Variants in APC2 observed in about 807,000 individuals in gnomAD.
APC2 encodes the protein APC regulator of Wnt signaling pathway 2.
In APC2, 41 loss-of-function variants were observed where a neutral mutation model predicts 72.5. That is an observed-to-expected ratio of 0.57 (90% CI 0.44 to 0.73). The LOEUF is 0.73. APC2 is among the 30% of genes least tolerant of loss of function. The pLI, the probability that APC2 is intolerant of heterozygous loss-of-function variation, is 0.00. For synonymous variants in APC2, 1,898 were observed against 1,612.0 expected, an observed-to-expected ratio of 1.18 and a Z score of -4.25; for missense variants, 3,729 against 3,403.4, an observed-to-expected ratio of 1.10 and a Z score of -2.38.
At chr19:1,459,502 T>G (rs1031367756) in intron 10 of APC2, among the ~76,000 whole-genome samples, 3 of 152,224 alleles carry the variant, frequency 2.0e-5, no homozygotes, top group Admixed American at 6.5e-5. Context: ...CGTGCTGTGG[T>G]GAACCTGGAT....
rs1428717121 is a variant in APC2, at chr19:1,467,360, C to T, written c.4059C>T (p.Ala1353=). The part of the protein sequence containing the change: ...LRECLGAAVP[A]RLRKVASALV... The stretch of plus-strand genomic sequence containing the variant: ...AGTGCCTGGGAGCCGCCGTGCCTGC[C>T]CGGCTGCGCAAGGTGGCCTCCGCGC... The change falls in exon 15 of 15, where the codon GCC becomes GCT. Residue 1353 remains alanine (A), a synonymous_variant. Transcript: ENST00000590469. The T allele has an allele frequency of 3.4e-6, 5 of 1,470,356 alleles. No homozygotes were observed. Among genetic ancestry groups the T allele is most frequent in the Admixed American group, 2.3e-5 (1 of 43,432 alleles). 91.1% of individuals were successfully genotyped at this position (1,470,356 alleles called of 1,614,324 possible).
chr19:1,471,975 G>T lies in APC2; in HGVS notation c.*1762G>T, dbSNP rs1420521947. 6.6e-6 allele frequency: 1 copy of T among 152,380 alleles called. No homozygotes were observed. Among genetic ancestry groups the T allele is most frequent in the Non-Finnish European group, 1.5e-5 (1 of 68,142 alleles). The allele number at this position is 152,380 out of a possible 1,614,324, so 9.4% of individuals were successfully genotyped here. On this transcript the variant is annotated 3_prime_UTR_variant, in exon 15 of 15. Coordinates refer to ENST00000590469, the MANE Select transcript of APC2 (RefSeq NM_005883.3). ...GACAGGACGTCCATAAGTCACCGAG[G>T]TGTGCCACCCAGCAGGTGCTGGAGG...
In APC2 at chr19:1,469,212, G is replaced by A. The variant is rs1166582387; in HGVS notation, c.5911G>A (p.Gly1971Ser). ...CCCGGGGGCGCGCGGGGGCCGCCTGGGCCTGGTGCGTGTGGCCTCAGCCCT... is the reference window on the plus strand; with the variant it reads ...CCCGGGGGCGCGCGGGGGCCGCCTGAGCCTGGTGCGTGTGGCCTCAGCCCT... ...AGPGARGGRL[G>S]LVRVASALSS... Residue 1971 changes from glycine (G) to serine (S), a missense_variant, in exon 15 of 15, where the codon GGC becomes AGC. Gly to Ser is a moderately conservative substitution (Grantham distance 56). Coordinates refer to ENST00000590469, the MANE Select transcript of APC2 (RefSeq NM_005883.3). 2.1e-6 allele frequency: 3 copies of A among 1,398,790 alleles called. No individual in the cohort carries two copies. Among genetic ancestry groups the A allele is most frequent in the South Asian group, 2.7e-5 (2 of 73,352 alleles). 86.6% of individuals were successfully genotyped at this position (1,398,790 alleles called of 1,614,324 possible).
chr19:1,459,718 G>A (rs1435617375), intron 10 of APC2, among the ~76,000 whole-genome samples: 1 of 152,194 alleles, frequency 6.6e-6, no homozygotes, highest in Non-Finnish European at 1.5e-5. Context: ...CTTTTGTAAT[G>A]GGGAAGCGGG....
In APC2 at chr19:1,460,331, G is replaced by A. The variant is rs748870969; in HGVS notation, c.1443+11G>A. 4.3e-6 allele frequency: 7 copies of A among 1,613,200 alleles called. No individual in the cohort carries two copies. Among genetic ancestry groups the A allele is most frequent in the South Asian group, 2.2e-5 (2 of 91,072 alleles). ...GACGTTGCCAACAAGGTGCCCGGGG[G>A]CAGTGGGTGGGCTGGCACTTTCCTC... On this transcript the variant is annotated intron_variant, in intron 11 of 14. Transcript: ENST00000590469.
At chr19:1,462,564 A>G (rs1054415750) in intron 14 of APC2, among the ~76,000 whole-genome samples, 1 of 150,362 alleles carries the variant, frequency 6.7e-6, no homozygotes, top group African/African-American at 2.5e-5. Context: ...CTGAGGCAGA[A>G]GAATCGTTTG....
rs1287354406 is a variant in APC2 at position 1,472,219 on chromosome 19, G to C, written c.*2006G>C. ...GGGGGAACCTGGTGGTCTCTTCTGA[G>C]CTTTTGGACTTGGGGATGCCAAACA... On this transcript the variant is annotated 3_prime_UTR_variant, in exon 15 of 15. Transcript: ENST00000590469. 1.3e-5 allele frequency: 2 copies of C among 152,338 alleles called. No individual in the cohort carries two copies. Among genetic ancestry groups the C allele is most frequent in the African/African-American group, 4.8e-5 (2 of 41,466 alleles). The allele number at this position is 152,338 out of a possible 1,614,324, so 9.4% of individuals were successfully genotyped here.
chr19:1,466,940 G>T lies in APC2; in HGVS notation c.3639G>T (p.Thr1213=). 1 of 1,599,652 alleles carries T rather than the reference G, an allele frequency of 6.3e-7. No homozygotes were observed. The highest frequency in any genetic ancestry group is 8.5e-7 in the Non-Finnish European group (1 of 1,173,688). ...GQTMPPSRSK[T]PPLAPAPQGP... is the part of the protein sequence containing the mutation. ...CCATGCCTCCCAGCCGGAGCAAGAC[G>T]CCACCGCTGGCGCCCGCGCCACAGG... The change falls in exon 15 of 15, where the codon ACG becomes ACT. Residue 1213 remains threonine (T), a synonymous_variant. Coordinates refer to ENST00000590469, the MANE Select transcript of APC2 (RefSeq NM_005883.3).
At position 1,460,253 on chromosome 19, in the gene APC2, A is replaced by G; in HGVS notation, c.1376A>G (p.Asn459Ser). 1 of 1,613,540 alleles carries G rather than the reference A, an allele frequency of 6.2e-7. No individual in the cohort carries two copies. Among genetic ancestry groups the G allele is most frequent in the Non-Finnish European group, 8.5e-7 (1 of 1,180,018 alleles). Residue 459 changes from asparagine to serine, a missense_variant, in exon 11 of 15, where the codon AAC becomes AGC. Transcript: ENST00000590469. ...EMHKMTRDPL[N>S]LALRRYAGMT... ...CACAAGATGACCCGGGACCCGCTGA[A>G]CCTGGCGCTGCGCCGCTACGCGGGC...
chr19:1,455,787 C>G (rs1311960458), intron 6 of APC2, among the ~76,000 whole-genome samples: 1 of 151,662 alleles, frequency 6.6e-6, no homozygotes, highest in Non-Finnish European at 1.5e-5. Flanking sequence ...CCTAGAAGGA[C>G]GAGGTCTAGG....
At chr19:1,448,900 C>T (rs912875121), upstream of APC2, among the ~76,000 whole-genome samples, 4 of 152,142 alleles carry the variant, frequency 2.6e-5, no homozygotes, top group East Asian at 7.7e-4. Context: ...CCTGTGTCTG[C>T]CCACTGCATT....
chr19:1,465,852 G>T lies in APC2; in HGVS notation c.2551G>T (p.Val851Leu). The T allele has an allele frequency of 1.9e-6, 3 of 1,572,416 alleles. No individual in the cohort carries two copies. Among genetic ancestry groups the T allele is most frequent in the Non-Finnish European group, 1.7e-6 (2 of 1,160,964 alleles). ...GGCCAAGGCCAAGCTGGCGCTTGCA[G>T]TGGCGCGCATCGACCAGCTGGTGGA... ...AKAKAKLALA[V>L]ARIDQLVEDI... Residue 851 changes from valine (V) to leucine (L), a missense_variant, in exon 15 of 15, where the codon GTG (valine) becomes TTG (leucine). Val to Leu is a conservative substitution (Grantham distance 32, BLOSUM62 1). Transcript: ENST00000590469.
upstream of APC2, among the ~76,000 whole-genome samples, chr19:1,449,377 T>A (rs1233115275): frequency 4.6e-5 from 7 of 152,166 alleles, no homozygotes; most frequent in Admixed American, 4.6e-4. Context: ...CCAGGACACC[T>A]GGAGATGGCG....
rs747088059 is a variant in APC2 at position 1,469,809 on chromosome 19, C to A, written c.6508C>A (p.Arg2170=). ...GCTTCCCGCCACGGCCCTGCCACTG[C>A]GGGGCTCCACGCCCGAGGACGCCCC... ...STLPATALPL[R]GSTPEDAPAG... Residue 2170 remains arginine (R), a synonymous_variant, in exon 15 of 15, where the codon CGG becomes AGG. Coordinates refer to ENST00000590469, the MANE Select transcript of APC2 (RefSeq NM_005883.3). 5 of 1,521,804 alleles carry A rather than the reference C, an allele frequency of 3.3e-6. No individual in the cohort carries two copies. The South Asian group carries it at 6.0e-5, about 18-fold the overall frequency. 94.3% of individuals were successfully genotyped at this position (1,521,804 alleles called of 1,614,324 possible). A position where few individuals can be genotyped will look rare whatever the true frequency, so the allele number is the denominator to read the frequency against.
At position 1,469,535 on chromosome 19, in the gene APC2, C is replaced by T. The variant is rs1465211117; in HGVS notation, c.6234C>T (p.Ser2078=). 1.7e-6 allele frequency: 2 copies of T among 1,200,694 alleles called. No individual in the cohort carries two copies. Among genetic ancestry groups the T allele is most frequent in the Non-Finnish European group, 2.1e-6 (2 of 954,914 alleles). The allele number at this position is 1,200,694 out of a possible 1,614,324, so 74.4% of individuals were successfully genotyped here. ...AGCGCCCTGCCCGGCGCACCACCTC[C>T]GAGAGCCCGTCCCGCCTGCCTGTGC... ...PGERPARRTT[S]ESPSRLPVRA... The change falls in exon 15 of 15, where the codon TCC becomes TCT. Residue 2078 remains serine (S), a synonymous_variant. Transcript: ENST00000590469.
At position 1,462,182 on chromosome 19, in the gene APC2, G is replaced by GCGGGGC; in HGVS notation, c.1853+6_1853+7insGGGGCC. On this transcript the variant is annotated splice_donor_region_variant and intron_variant, in intron 14 of 14. Coordinates refer to ENST00000590469, the MANE Select transcript of APC2 (RefSeq NM_005883.3). Reference sequence around the variant, plus strand: ...CGCCACCCGTGAGGACTACAGGTCGGCCCCCACCCCCCCACCCGCACACAG... The same window carrying GCGGGGC: ...CGCCACCCGTGAGGACTACAGGTCGGCGGGGCCCCCCACCCCCCCACCCGCACACAG... The GCGGGGC allele has an allele frequency of 6.5e-7, 1 of 1,535,306 alleles. No homozygotes were observed. The highest frequency in any genetic ancestry group is 8.8e-7 in the Non-Finnish European group (1 of 1,139,534).
chr19:1,452,243 G>GT lies in APC2; in HGVS notation c.-18-740dup, dbSNP rs1466124086. On this transcript the variant is annotated intron_variant, in intron 1 of 14. Transcript: ENST00000590469. The surrounding 1 kb of genome is among the most constrained non-coding windows in gnomAD (Gnocchi z 5.1). Reference sequence around the variant, plus strand: ...ACAAAGAAGCCAGCGCGCTGGCAGAGTCAAGGGATGGGGCAGGGGCTGCCG... The same window carrying GT: ...ACAAAGAAGCCAGCGCGCTGGCAGAGTTCAAGGGATGGGGCAGGGGCTGCCG... 1 of 153,344 alleles carries GT rather than the reference G, an allele frequency of 6.5e-6. No individual in the cohort carries two copies. Among genetic ancestry groups the GT allele is most frequent in the African/African-American group, 2.4e-5 (1 of 41,454 alleles). 9.5% of individuals were successfully genotyped at this position (153,344 alleles called of 1,614,324 possible).
intron 9 of APC2, chr19:1,457,662 C>G: frequency 1.9e-6 from 1 of 525,900 alleles, no homozygotes. Context: ...CATGCTACTG[C>G]ACTCCAGTCT....
intron 10 of APC2, among the ~76,000 whole-genome samples, chr19:1,458,965 C>T (rs557330127): frequency 1.4e-4 from 21 of 152,130 alleles, no homozygotes; most frequent in South Asian, 2.1e-4. Flanking sequence ...ATTACAGGCG[C>T]GAGCCACCAC....
Sources: allele counts gnomAD v4.1 joint callset (sites outside exome capture counted in the v4.1 genomes callset), GRCh38; gene constraint gnomAD v4.1.1; non-coding constraint Gnocchi (gnomAD v3.1); transcripts MANE v1.5; gene names NCBI Gene and HGNC (gene_info 2026-07-23, HGNC 2026-07-21).